Variants in PLEKHA4 observed in about 807,000 individuals in gnomAD.
PLEKHA4 encodes pleckstrin homology domain containing A4, also known as pleckstrin homology domain-containing family A member 4.
Under a neutral mutation model 94.7 loss-of-function variants are expected in PLEKHA4, and 73 were observed. That is an observed-to-expected ratio of 0.77 (90% CI 0.64 to 0.94). The LOEUF (loss-of-function observed/expected upper bound fraction) is 0.94, where lower values mean the gene tolerates loss of function less well. PLEKHA4 is among the 40% of genes least tolerant of loss of function. The pLI is 0.00. For missense variants in PLEKHA4, 1,049 were observed against 1,054.1 expected (o/e 1.00, Z 0.07); for synonymous variants, 449 against 437.1 (o/e 1.03, Z -0.34).
chr19:48,868,082 C>A lies in PLEKHA4; in HGVS notation c.-7+1G>T. ...CCTCCCAGCCCAGCCAGGGAACTTA[C>A]CCAGCTCTGGGGTCCCAGTGACGGG... On this transcript the variant is annotated splice_donor_variant, in intron 1 of 19. Coordinates refer to ENST00000263265, the MANE Select transcript of PLEKHA4 (RefSeq NM_020904.3). LOFTEE classifies it low-confidence loss of function (5UTR_SPLICE). 1 of 164,466 alleles carries A rather than the reference C, an allele frequency of 6.1e-6. No homozygotes were observed. Among genetic ancestry groups the A allele is most frequent in the South Asian group, 1.6e-4 (1 of 6,256 alleles). The allele number at this position is 164,466 out of a possible 1,614,324, so 10.2% of individuals were successfully genotyped here. A position where few individuals can be genotyped will look rare whatever the true frequency, so the allele number is the denominator to read the frequency against.
intron 13 of PLEKHA4, among the ~76,000 whole-genome samples, chr19:48,848,481 G>A (rs1169561274): frequency 1.9e-4 from 20 of 107,254 alleles, no homozygotes; most frequent in African/African-American, 6.6e-4. Flanking sequence ...GCGAGACTCC[G>A]TCTCAAAAAA....
At position 48,860,382 on chromosome 19, in the gene PLEKHA4, C is replaced by T; in HGVS notation, c.444G>A (p.Leu148=). The change falls in exon 6 of 20, where the codon CTG becomes CTA. Residue 148 remains leucine (L), a synonymous_variant. Transcript: ENST00000263265. ...LEDLRGWLRA[L]GRASRAEGDD... Reference sequence around the variant, plus strand: ...CCCCCTCCGCACGGGAGGCCCGGCCCAGCGCCCGTAGCCAGCCCCGCAGGT... The same window carrying T: ...CCCCCTCCGCACGGGAGGCCCGGCCTAGCGCCCGTAGCCAGCCCCGCAGGT... The T allele has an allele frequency of 6.2e-7, 1 of 1,614,060 alleles. No individual in the cohort carries two copies. Among genetic ancestry groups the T allele is most frequent in the South Asian group, 1.1e-5 (1 of 91,082 alleles).
rs1486278538 is a variant in PLEKHA4, at chr19:48,857,508, G to A, written c.973-12C>T. 5 of 1,510,250 alleles carry A rather than the reference G, an allele frequency of 3.3e-6. No homozygotes were observed. Among genetic ancestry groups the A allele is most frequent in the African/African-American group, 2.8e-5 (2 of 71,966 alleles). The allele number at this position is 1,510,250 out of a possible 1,614,324, so 93.6% of individuals were successfully genotyped here. ...GAGCCAGAGTGTGCCTGGGAGGAAC[G>A]TTGAAATGGAGATGTTTAGAAACTG... is the stretch of plus-strand genomic sequence containing the variant. On this transcript the variant is annotated splice_polypyrimidine_tract_variant and intron_variant, in intron 8 of 19. Coordinates refer to ENST00000263265, the MANE Select transcript of PLEKHA4 (RefSeq NM_020904.3).
intron 13 of PLEKHA4, 73 bp downstream of exon 13, chr19:48,852,149 GAAGATT>G: frequency 8.8e-7 from 1 of 1,138,756 alleles, no homozygotes; most frequent in Non-Finnish European, 1.3e-6. Context: ...TTCTGTGGGC[GAAGATT>G]AAATGCTAAA....
rs555013924 is a variant in PLEKHA4 at position 48,859,772 on chromosome 19, C to T, written c.477-88G>A. On this transcript the variant is annotated intron_variant, in intron 6 of 19. Coordinates refer to ENST00000263265, the MANE Select transcript of PLEKHA4 (RefSeq NM_020904.3). ...TCACAGGTGAGAACACAAGGATGCA[C>T]CCAAAAAAGGAAAGTTGTGCACTAT... The T allele has an allele frequency of 3.6e-4, 440 of 1,233,436 alleles. 5 individuals are homozygous for T. The South Asian group carries it at 5.4e-3, about 15-fold the overall frequency. 76.4% of individuals were successfully genotyped at this position (1,233,436 alleles called of 1,614,324 possible).
At chr19:48,858,698 G>GAC (rs1196213844) in intron 8 of PLEKHA4, among the ~76,000 whole-genome samples, 162 bp downstream of exon 8, 1 of 149,324 alleles carries the variant, frequency 6.7e-6, no homozygotes, top group Non-Finnish European at 1.5e-5. Flanking sequence ...AGAGGAGCTG[G>GAC]ACACCTGATA....
At chr19:48,847,801 C>T in intron 14 of PLEKHA4, 99 bp downstream of exon 14, 1 of 1,370,392 alleles carries the variant, frequency 7.3e-7, no homozygotes. Context: ...GGTGGGTTAG[C>T]TGATCAAGGA....
intron 3 of PLEKHA4, among the ~76,000 whole-genome samples, chr19:48,862,518 T>C (rs1377205998): frequency 7.0e-6 from 1 of 143,730 alleles, no homozygotes; most frequent in Non-Finnish European, 1.5e-5. Flanking sequence ...CTTTCTTTTT[T>C]TGTTTTTTGA....
intron 13 of PLEKHA4, among the ~76,000 whole-genome samples, chr19:48,848,621 C>G (rs1031069584): frequency 2.0e-5 from 3 of 151,464 alleles, no homozygotes; most frequent in African/African-American, 7.3e-5. Context: ...GGTGAACCCT[C>G]GTGTCTACTA....
chr19:48,843,723 T>G (rs2035853988), intron 16 of PLEKHA4, among the ~76,000 whole-genome samples: 1 of 151,998 alleles, frequency 6.6e-6, no homozygotes, highest in Non-Finnish European at 1.5e-5. Flanking sequence ...AGTGGCGCAG[T>G]ATCAGCTCAC....
Position 48,841,143 on chromosome 19 carries a change from C to T in PLEKHA4, c.1905+6G>A. ...CACCGCCCAGCCCCAGCCCTCCTCCCCTCACCCTTTGCTCCACGTCAGGCT... is the reference window on the plus strand; with the variant it reads ...CACCGCCCAGCCCCAGCCCTCCTCCTCTCACCCTTTGCTCCACGTCAGGCT... On this transcript the variant is annotated splice_donor_region_variant and intron_variant, in intron 17 of 19. Coordinates refer to ENST00000263265, the MANE Select transcript of PLEKHA4 (RefSeq NM_020904.3). 1 of 1,605,542 alleles carries T rather than the reference C, an allele frequency of 6.2e-7. No individual in the cohort carries two copies. Among genetic ancestry groups the T allele is most frequent in the Non-Finnish European group, 8.5e-7 (1 of 1,176,228 alleles).
chr19:48,867,230 CAA>C lies in PLEKHA4; in HGVS notation c.84+305_84+306del, dbSNP rs1345053020. Among the ~76,000 whole-genome samples the C allele has an allele frequency of 6.8e-6, 1 of 147,078 alleles. No homozygotes were observed. Among genetic ancestry groups the C allele is most frequent in the Non-Finnish European group, 1.5e-5 (1 of 65,504 alleles). On this transcript the variant is annotated intron_variant, in intron 2 of 19. Coordinates refer to ENST00000263265, the MANE Select transcript of PLEKHA4 (RefSeq NM_020904.3). The surrounding 1 kb of genome is among the most constrained non-coding windows in gnomAD (Gnocchi z 4.7). ...TAGGACAGCAAGTTCTGGCACTAAT[CAA>C]GAGCAGCCACTACTTCTCAGAACTC...
In PLEKHA4 at chr19:48,865,352, T is replaced by C. The variant is rs532470314; in HGVS notation, c.192+151A>G. The C allele has an allele frequency of 9.7e-5, 59 of 608,746 alleles. No individual in the cohort carries two copies. The South Asian group carries it at 1.1e-3, about 11-fold the overall frequency. The allele number at this position is 608,746 out of a possible 1,614,324, so 37.7% of individuals were successfully genotyped here. ...AAAGAGACTCTGTCTTAAAAATAAA[T>C]AAATAAACAAACAAACAAACAATGA... On this transcript the variant is annotated intron_variant, in intron 3 of 19. Coordinates refer to ENST00000263265, the MANE Select transcript of PLEKHA4 (RefSeq NM_020904.3).
chr19:48,859,561 G>A lies in PLEKHA4; in HGVS notation c.600C>T (p.Leu200=). Residue 200 remains leucine (L), a synonymous_variant, in exon 7 of 20, where the codon CTC becomes CTT. Coordinates refer to ENST00000263265, the MANE Select transcript of PLEKHA4 (RefSeq NM_020904.3). ...GCCTGGGTCTACCACGACCTCTGGA[G>A]AGTCGAGTCACTTCCGGTGATTCTG... ...RISESPEVTR[L]SRGRGRPRLL... is the part of the protein sequence containing the mutation. 1 of 1,614,070 alleles carries A rather than the reference G, an allele frequency of 6.2e-7. No individual in the cohort carries two copies. Among genetic ancestry groups the A allele is most frequent in the Non-Finnish European group, 8.5e-7 (1 of 1,180,028 alleles).
At chr19:48,859,432 C>A (rs771485629) in intron 7 of PLEKHA4, 37 bp downstream of exon 7, 1 of 1,607,816 alleles carries the variant, frequency 6.2e-7, no homozygotes, top group Non-Finnish European at 8.5e-7. Flanking sequence ...CTGCCCTTCT[C>A]TTAGGCCACG....
Position 48,845,590 on chromosome 19 carries a change from G to A in PLEKHA4, c.1593C>T (p.Ser531=), listed in dbSNP as rs767414198. The A allele has an allele frequency of 9.4e-6, 15 of 1,602,514 alleles. No homozygotes were observed. In the Admixed American group the frequency reaches 2.4e-4, roughly 26 times the overall value. Residue 531 remains serine (S), a synonymous_variant, in exon 15 of 20, where the codon AGC becomes AGT. Coordinates refer to ENST00000263265, the MANE Select transcript of PLEKHA4 (RefSeq NM_020904.3). ...AGTCAGTCTCGGGGGACCTAGGGGAGCTCAGTTCCAAGGACTCTGGCAGGC... is the reference window on the plus strand; with the variant it reads ...AGTCAGTCTCGGGGGACCTAGGGGAACTCAGTTCCAAGGACTCTGGCAGGC... ...RESLPESLEL[S]SPRSPETDWG...
chr19:48,849,679 G>A (rs1428180815), intron 13 of PLEKHA4, among the ~76,000 whole-genome samples: 1 of 152,184 alleles, frequency 6.6e-6, no homozygotes, highest in Non-Finnish European at 1.5e-5. Flanking sequence ...GCAGGTCTGA[G>A]GCTAAGCAAT....
chr19:48,846,759 C>A (rs2035986022), intron 14 of PLEKHA4, among the ~76,000 whole-genome samples: 1 of 152,054 alleles, frequency 6.6e-6, no homozygotes, highest in African/African-American at 2.4e-5. Flanking sequence ...CAGAGCAAGA[C>A]CCTGTCTCCA....
chr19:48,838,890 C>T lies in PLEKHA4; in HGVS notation c.1964+315G>A, dbSNP rs570422101. On this transcript the variant is annotated intron_variant, in intron 18 of 19. Coordinates refer to ENST00000263265, the MANE Select transcript of PLEKHA4 (RefSeq NM_020904.3). ...GTTCCTAGCACGTGTCTCTAAAATACGTTAAACATGGCACCGCCCTCATAC... is the reference window on the plus strand; with the variant it reads ...GTTCCTAGCACGTGTCTCTAAAATATGTTAAACATGGCACCGCCCTCATAC... Among the ~76,000 whole-genome samples, 20 of 152,160 alleles carry T rather than the reference C, an allele frequency of 1.3e-4. No individual in the cohort carries two copies. The South Asian group carries it at 3.5e-3, about 27-fold the overall frequency.
Sources: gnomAD v4.1 joint callset for allele counts (sites outside exome capture counted in the v4.1 genomes callset) on GRCh38, gnomAD v4.1.1 for gene constraint, Gnocchi (gnomAD v3.1) non-coding constraint, MANE v1.5 for transcripts, NCBI Gene and HGNC (gene_info 2026-07-23, HGNC 2026-07-21) for gene names.